Variants in TNFRSF13B observed in about 807,000 individuals in gnomAD.
The protein encoded by TNFRSF13B is TNF receptor superfamily member 13B, also known as tumor necrosis factor receptor superfamily member 13B.
Under a neutral mutation model 24.0 loss-of-function variants are expected in TNFRSF13B, and 34 were observed. The ratio of observed to expected loss-of-function variants is 1.41; its 90% CI spans 1.08 to 1.88. The LOEUF is 1.88. Ranked by LOEUF, TNFRSF13B falls within the 40% of genes most tolerant of loss-of-function variation. TNFRSF13B has a pLI of 0.00. For missense variants in TNFRSF13B, 415 were observed against 380.8 expected (o/e 1.09, Z -0.75); for synonymous variants, 173 against 150.3 (o/e 1.15, Z -1.10).
At chr17:16,947,143 CA>C (rs911746560) in intron 3 of TNFRSF13B, among the ~76,000 whole-genome samples, 5 of 152,128 alleles carry the variant, frequency 3.3e-5, no homozygotes, top group Admixed American at 3.3e-4. Flanking sequence ...CAAAACCTGG[CA>C]AAGACACAAC....
chr17:16,966,851 T>G (rs2087704676), intron 1 of TNFRSF13B, among the ~76,000 whole-genome samples: 1 of 143,712 alleles, frequency 7.0e-6, no homozygotes, highest in African/African-American at 2.6e-5. Context: ...TTTTTTTTTT[T>G]TTTTTGAGAT....
intron 1 of TNFRSF13B, among the ~76,000 whole-genome samples, chr17:16,966,865 G>A (rs2087705017): frequency 9.3e-6 from 1 of 107,550 alleles, no homozygotes; most frequent in African/African-American, 3.7e-5. Context: ...TTGAGATGGA[G>A]TCTCACTCTG....
intron 3 of TNFRSF13B, among the ~76,000 whole-genome samples, chr17:16,944,722 C>T (rs554346140): frequency 1.1e-3 from 169 of 152,294 alleles, no homozygotes; most frequent in Non-Finnish European, 2.2e-3. Context: ...GCACAGCAAG[C>T]CTGCCACAGT....
rs184050377 is a variant in TNFRSF13B, at chr17:16,969,788, G to C, written c.61+2227C>G. ...TTATATATCTTTCAATACTTTCTGGGTTTCAAACCATCTGACTATACTATC... is the reference window on the plus strand; with the variant it reads ...TTATATATCTTTCAATACTTTCTGGCTTTCAAACCATCTGACTATACTATC... On this transcript the variant is annotated intron_variant, in intron 1 of 4. Coordinates refer to ENST00000261652, the MANE Select transcript of TNFRSF13B (RefSeq NM_012452.3). Among the ~76,000 whole-genome samples, 5 of 152,250 alleles carry C rather than the reference G, an allele frequency of 3.3e-5. No homozygotes were observed. The East Asian group carries it at 9.6e-4, about 29-fold the overall frequency.
rs1474857867 is a variant in TNFRSF13B at position 16,959,305 on chromosome 17, A to G, written c.62-6722T>C. Among the ~76,000 whole-genome samples the G allele has an allele frequency of 2.0e-5, 3 of 152,102 alleles. No homozygotes were observed. In the East Asian group the frequency reaches 5.8e-4, roughly 29 times the overall value. On this transcript the variant is annotated intron_variant, in intron 1 of 4. Coordinates refer to ENST00000261652, the MANE Select transcript of TNFRSF13B (RefSeq NM_012452.3). Reference sequence around the variant, plus strand: ...GAAAATGAAAATACAACATACCAAAAGTTATGAAATACAACAAAAGCAATG... The same window carrying G: ...GAAAATGAAAATACAACATACCAAAGGTTATGAAATACAACAAAAGCAATG...
chr17:16,940,517 A>G lies in TNFRSF13B; in HGVS notation c.446-6T>C, dbSNP rs773058896. The G allele has an allele frequency of 6.8e-6, 11 of 1,612,454 alleles. No individual in the cohort carries two copies. The East Asian group carries it at 2.2e-4, about 33-fold the overall frequency. ...CAGCTTCAGCCCCGGGAGAGCTGCA[A>G]GACAGCATGAGACCCCTCTCTGCAG... On this transcript the variant is annotated splice_region_variant and splice_polypyrimidine_tract_variant and intron_variant, in intron 3 of 4. Coordinates refer to ENST00000261652, the MANE Select transcript of TNFRSF13B (RefSeq NM_012452.3).
chr17:16,971,403 T>C (rs569018201), intron 1 of TNFRSF13B, among the ~76,000 whole-genome samples: 5 of 151,120 alleles, frequency 3.3e-5, no homozygotes, highest in Admixed American at 6.6e-5. Flanking sequence ...AGCTATAGGA[T>C]AAATATAAAT....
At chr17:16,953,763 A>T (rs181378975) in intron 1 of TNFRSF13B, among the ~76,000 whole-genome samples, 10 of 151,808 alleles carry the variant, frequency 6.6e-5, no homozygotes, top group Non-Finnish European at 1.3e-4. Flanking sequence ...TTTGCAAGGC[A>T]TATGTTTGTT....
intron 1 of TNFRSF13B, among the ~76,000 whole-genome samples, chr17:16,965,258 C>T (rs2087691467): frequency 6.6e-6 from 1 of 151,898 alleles, no homozygotes; most frequent in Non-Finnish European, 1.5e-5. Flanking sequence ...AGCTGTGAGC[C>T]CCTGTGCCCA....
chr17:16,963,377 G>A (rs748669727), intron 1 of TNFRSF13B, among the ~76,000 whole-genome samples: 2 of 152,310 alleles, frequency 1.3e-5, no homozygotes, highest in Non-Finnish European at 2.9e-5. Context: ...CCTTGGTGGG[G>A]AGGTGTCTGT....
At chr17:16,959,570 T>G (rs2087647515) in intron 1 of TNFRSF13B, among the ~76,000 whole-genome samples, 1 of 151,764 alleles carries the variant, frequency 6.6e-6, no homozygotes, top group Admixed American at 6.6e-5. Flanking sequence ...TCAACAAAAT[T>G]GACAAACCTT....
intron 1 of TNFRSF13B, among the ~76,000 whole-genome samples, chr17:16,959,858 C>T (rs12051889): frequency 0.12 from 18,812 of 152,002 alleles, 1,270 homozygotes; most frequent in East Asian, 0.22. Flanking sequence ...CAGGACAAGA[C>T]TGCTTTACTA....
intron 3 of TNFRSF13B, 192 bp from the exon 4 acceptor site, chr17:16,940,703 C>T (rs2087504207): frequency 3.4e-6 from 5 of 1,454,402 alleles, no homozygotes; most frequent in Non-Finnish European, 4.5e-6. Flanking sequence ...CTCCCCCATC[C>T]TGGCAGCAAC....
At chr17:16,945,438 A>T (rs544776228) in intron 3 of TNFRSF13B, among the ~76,000 whole-genome samples, 2 of 152,350 alleles carry the variant, frequency 1.3e-5, no homozygotes, top group East Asian at 1.9e-4. Flanking sequence ...TGGAACCCCC[A>T]GACTGTGCTC....
At chr17:16,942,574 A>G (rs1396798532) in intron 3 of TNFRSF13B, among the ~76,000 whole-genome samples, 2 of 152,116 alleles carry the variant, frequency 1.3e-5, no homozygotes, top group Non-Finnish European at 2.9e-5. Context: ...TTGGTGCCAC[A>G]TATCCAAGGC....
intron 1 of TNFRSF13B, among the ~76,000 whole-genome samples, chr17:16,952,851 C>T (rs1385964916): frequency 6.6e-6 from 1 of 152,218 alleles, no homozygotes; most frequent in Non-Finnish European, 1.5e-5. Context: ...CAGTGCCCTA[C>T]TGGGCCCTGT....
At chr17:16,942,204 T>C (rs940634956) in intron 3 of TNFRSF13B, among the ~76,000 whole-genome samples, 1 of 152,164 alleles carries the variant, frequency 6.6e-6, no homozygotes, top group Non-Finnish European at 1.5e-5. Context: ...CCGTTCACAC[T>C]CCATTTTACA....
intron 3 of TNFRSF13B, chr17:16,940,968 A>T (rs1453979926): frequency 3.8e-6 from 4 of 1,052,092 alleles, no homozygotes; most frequent in Non-Finnish European, 4.6e-6. Flanking sequence ...CAGATACCAA[A>T]ATCCGCGGAT....
At position 16,940,270 on chromosome 17, in the gene TNFRSF13B, C is replaced by T. The variant is rs200862231; in HGVS notation, c.631+56G>A. ...GCAGTGACAGGACCGAGGGATGGCC[C>T]GAGGCTTGTCACCCAAGCAGCGAGA... On this transcript the variant is annotated intron_variant, in intron 4 of 4. Coordinates refer to ENST00000261652, the MANE Select transcript of TNFRSF13B (RefSeq NM_012452.3). The T allele has an allele frequency of 2.2e-4, 348 of 1,611,634 alleles. 4 individuals carry two copies. The South Asian group carries it at 3.2e-3, about 15-fold the overall frequency.
Sources: allele counts gnomAD v4.1 joint callset (sites outside exome capture counted in the v4.1 genomes callset), GRCh38; gene constraint gnomAD v4.1.1; transcripts MANE v1.5; gene names NCBI Gene and HGNC (gene_info 2026-07-23, HGNC 2026-07-21).